The following PDE4D variants were observed in gnomAD, a reference collection of about 807,000 sequenced individuals.
PDE4D encodes 3',5'-cyclic-AMP phosphodiesterase 4D.
In PDE4D, 24 loss-of-function variants were observed where a neutral mutation model predicts 87.4. The observed-to-expected ratio is 0.27, with a 90% CI of 0.20 to 0.39. The LOEUF is 0.39. Among genes scored for constraint, PDE4D ranks in the 10% least tolerant of loss-of-function variants. PDE4D has a pLI of 1.00. For synonymous variants in PDE4D, 384 were observed against 383.2 expected (o/e 1.00, Z -0.02); for missense variants, 714 against 1,041.0 (o/e 0.69, Z 4.32).
At chr5:60,075,625 C>T (rs1773202758) in intron 2 of PDE4D, among the ~76,000 whole-genome samples, 1 of 152,126 alleles carries the variant, frequency 6.6e-6, no homozygotes, top group Non-Finnish European at 1.5e-5. Flanking sequence ...CCATTCTCTC[C>T]ATCTCTTTCA....
intron 1 of PDE4D, among the ~76,000 whole-genome samples, chr5:59,339,868 AATTCACTAATATC>A (rs1441606148): frequency 6.6e-6 from 1 of 152,104 alleles, no homozygotes; most frequent in Non-Finnish European, 1.5e-5. Flanking sequence ...CAAATCCCCT[AATTCACTAATATC>A]ACTCTAGCAT....
At chr5:59,623,346 A>C (rs1005083105) in intron 1 of PDE4D, among the ~76,000 whole-genome samples, 1 of 152,084 alleles carries the variant, frequency 6.6e-6, no homozygotes, top group Admixed American at 6.6e-5. Flanking sequence ...CCTAGGCCAA[A>C]CTTTTTCTTC....
At chr5:59,039,362 G>A (rs1466722005) in intron 5 of PDE4D, 3 of 1,030,304 alleles carry the variant, frequency 2.9e-6, no homozygotes, top group East Asian at 1.1e-4. Flanking sequence ...GCGCGCTTGG[G>A]TGCCCGCCCC....
intron 1 of PDE4D, among the ~76,000 whole-genome samples, chr5:59,395,732 G>C (rs1226564170): frequency 7.5e-6 from 1 of 132,502 alleles, no homozygotes; most frequent in Non-Finnish European, 1.6e-5. Context: ...GCTGGATGGA[G>C]AATGACTTTG....
intron 2 of PDE4D, chr5:60,127,454 A>G (rs947053641): frequency 4.8e-6 from 2 of 413,052 alleles, no homozygotes; most frequent in African/African-American, 4.1e-5. Context: ...CAAGGCAGCT[A>G]TCACTGTGGT....
At chr5:58,986,974 T>TATAC (rs71751900) in intron 11 of PDE4D, among the ~76,000 whole-genome samples, 1,692 of 151,922 alleles carry the variant, frequency 0.011, 35 homozygotes, top group African/African-American at 0.039. Flanking sequence ...TATATATATA[T>TATAC]ACCTTTAACA....
chr5:59,341,308 T>C (rs1778678205), intron 1 of PDE4D, among the ~76,000 whole-genome samples: 2 of 152,174 alleles, frequency 1.3e-5, no homozygotes, highest in African/African-American at 4.8e-5. Flanking sequence ...TACTTGGTGG[T>C]GCATGGGTCC....
chr5:60,003,896 T>C (rs1764241100), intron 2 of PDE4D, among the ~76,000 whole-genome samples: 1 of 152,112 alleles, frequency 6.6e-6, no homozygotes, highest in African/African-American at 2.4e-5. Flanking sequence ...TCAGTTAGTC[T>C]TTGACAAGGG....
intron 1 of PDE4D, among the ~76,000 whole-genome samples, chr5:59,381,146 G>A (rs1295712618): frequency 2.0e-5 from 3 of 152,160 alleles, no homozygotes; most frequent in Non-Finnish European, 4.4e-5. Flanking sequence ...CGGAATACTA[G>A]TTAAAACAAA....
At chr5:59,773,841 T>C (rs1489526923) in intron 1 of PDE4D, among the ~76,000 whole-genome samples, 1 of 152,124 alleles carries the variant, frequency 6.6e-6, no homozygotes, top group African/African-American at 2.4e-5. Flanking sequence ...ACTGGGCTAG[T>C]AGGCAGAGAT....
intron 1 of PDE4D, among the ~76,000 whole-genome samples, chr5:60,273,027 T>C (rs1335489237): frequency 3.3e-5 from 5 of 152,180 alleles, no homozygotes; most frequent in African/African-American, 1.2e-4. Context: ...TGTTTATTAA[T>C]AATTATTTAG....
intron 1 of PDE4D, among the ~76,000 whole-genome samples, chr5:60,385,999 C>T (rs939846146): frequency 6.6e-6 from 1 of 151,930 alleles, no homozygotes; most frequent in African/African-American, 2.4e-5. Context: ...TGTGAATTCC[C>T]AACAAGAAAG....
intron 1 of PDE4D, among the ~76,000 whole-genome samples, chr5:59,391,534 T>C (rs1324654215): frequency 1.3e-5 from 2 of 152,302 alleles, no homozygotes; most frequent in Non-Finnish European, 2.9e-5. Flanking sequence ...TGATCTCTCT[T>C]TCTTCCCTTA....
chr5:60,258,092 G>T, intron 1 of PDE4D, among the ~76,000 whole-genome samples: 1 of 151,872 alleles, frequency 6.6e-6, no homozygotes. Context: ...CAGAAAGAGG[G>T]GACTGTTTAG....
intron 1 of PDE4D, among the ~76,000 whole-genome samples, chr5:59,763,295 G>A (rs1011383495): frequency 2.0e-5 from 3 of 151,180 alleles, no homozygotes; most frequent in Non-Finnish European, 4.4e-5. Flanking sequence ...TGCACATTGT[G>A]CACATGTACC....
intron 2 of PDE4D, among the ~76,000 whole-genome samples, chr5:60,089,036 C>G (rs796114345): frequency 5.3e-5 from 8 of 152,012 alleles, no homozygotes; most frequent in African/African-American, 1.9e-4. Context: ...CTATAATTAT[C>G]AGATAAAACA....
intron 1 of PDE4D, among the ~76,000 whole-genome samples, chr5:59,389,312 A>G (rs1787760748): frequency 6.6e-6 from 1 of 150,766 alleles, no homozygotes; most frequent in East Asian, 2.0e-4. Context: ...TAGCTATTCA[A>G]GAAATTTAAA....
intron 1 of PDE4D, among the ~76,000 whole-genome samples, chr5:60,484,189 A>T (rs1231280328): frequency 2.0e-5 from 2 of 99,300 alleles, no homozygotes; most frequent in African/African-American, 3.3e-5. Context: ...GACAGGAATT[A>T]AAAAAAAAAA....
At chr5:60,147,636 G>T in intron 2 of PDE4D, 1 of 308,414 alleles carries the variant, frequency 3.2e-6, no homozygotes, top group South Asian at 2.5e-5. Flanking sequence ...TAAGGATCAA[G>T]AATTCAGGAG....
Sources: gnomAD v4.1 joint callset for allele counts (sites outside exome capture counted in the v4.1 genomes callset) on GRCh38, gnomAD v4.1.1 for gene constraint, MANE v1.5 for transcripts, NCBI Gene and HGNC (gene_info 2026-07-23, HGNC 2026-07-21) for gene names.